CHD8: variants seen among roughly 807,000 people sequenced by gnomAD.
CHD8 encodes ATP-dependent chromatin remodeler CHD8.
Under a neutral mutation model 279.2 loss-of-function variants are expected in CHD8, and 31 were observed. The observed-to-expected ratio is 0.11, with a 90% CI of 0.08 to 0.15. CHD8 has a LOEUF of 0.15. CHD8 is among the 10% of genes least tolerant of loss of function. CHD8 has a pLI of 1.00. For synonymous variants in CHD8, 1,081 were observed against 1,139.6 expected (o/e 0.95, Z 1.04); for missense variants, 2,146 against 3,230.5 (o/e 0.66, Z 8.14).
chr14:21,394,508 A>G (rs1479648549), intron 30 of CHD8, 23 bp from the exon 31 acceptor site: 16 of 1,514,704 alleles, frequency 1.1e-5, no homozygotes, highest in Admixed American at 3.8e-5. Flanking sequence ...AAGTAGGGCA[A>G]CAATAATCAG....
intron 28 of CHD8, 30 bp downstream of exon 28, chr14:21,395,787 A>G: frequency 3.0e-6 from 4 of 1,351,302 alleles, no homozygotes; most frequent in Non-Finnish European, 4.2e-6. Context: ...AGTAATAGAG[A>G]AAAGTGAGAC....
At chr14:21,398,084 T>TG in intron 26 of CHD8, 132 bp from the exon 27 acceptor site, 1 of 828,400 alleles carries the variant, frequency 1.2e-6, no homozygotes, top group Non-Finnish European at 1.8e-6. Context: ...AATGTTATCT[T>TG]GGACAACTAC....
At chr14:21,427,631 G>C (rs1235416761) in intron 4 of CHD8, 2 of 1,469,164 alleles carry the variant, frequency 1.4e-6, no homozygotes, top group Admixed American at 5.0e-5. Flanking sequence ...TGTTTTGGAG[G>C]TACCAGATGT....
intron 5 of CHD8, among the ~76,000 whole-genome samples, chr14:21,417,156 G>C (rs1390698542): frequency 3.3e-5 from 5 of 152,124 alleles, no homozygotes; most frequent in African/African-American, 9.7e-5. Flanking sequence ...CAGCAAGTTT[G>C]ATCAAAATAT....
At chr14:21,424,544 C>T (rs910704515) in intron 5 of CHD8, among the ~76,000 whole-genome samples, 2 of 152,096 alleles carry the variant, frequency 1.3e-5, no homozygotes, top group Non-Finnish European at 2.9e-5. Context: ...AATCTTGGCT[C>T]ACTGCAAGCT....
chr14:21,397,682 CCTTTCTG>C (rs1174063336), intron 27 of CHD8, 134 bp downstream of exon 27: 2 of 767,298 alleles, frequency 2.6e-6, no homozygotes, highest in African/African-American at 3.5e-5. Context: ...TTTATGGAGT[CCTTTCTG>C]CTGGTCCTAT....
chr14:21,429,676 T>C (rs1889481795), intron 2 of CHD8: 1 of 389,842 alleles, frequency 2.6e-6, no homozygotes, highest in East Asian at 6.4e-5. Context: ...GGTCACCATA[T>C]TGATGTCAAA....
At position 21,456,025 on chromosome 14, in the gene CHD8, A is replaced by G. The variant is rs1890381606; in HGVS notation, c.-216+7T>C. 6.6e-6 allele frequency: 1 copy of G among 152,260 alleles called. No individual in the cohort carries two copies. The highest frequency in any genetic ancestry group is 1.5e-5 in the Non-Finnish European group (1 of 68,190). 9.4% of individuals were successfully genotyped at this position (152,260 alleles called of 1,614,324 possible). A position where few individuals can be genotyped will look rare whatever the true frequency, so the allele number is the denominator to read the frequency against. ...CACTGAGGAGCGGGTGCGAGCGGGA[A>G]GCCTACCTGTGCAAGTCCTGGTACT... On this transcript the variant is annotated splice_region_variant and intron_variant, in intron 1 of 37. Coordinates refer to ENST00000646647, the MANE Select transcript of CHD8 (RefSeq NM_001170629.2).
intron 2 of CHD8, chr14:21,429,627 T>TC (rs982442639): frequency 1.1e-5 from 5 of 473,592 alleles, no homozygotes; most frequent in African/African-American, 9.8e-5. Flanking sequence ...GGCCAATTCA[T>TC]CCCTCCTTAG....
rs1231640649 is a variant in CHD8, at chr14:21,408,512, T to C, written c.2530A>G (p.Ile844Val). 6.2e-7 allele frequency: 1 copy of C among 1,613,802 alleles called. No individual in the cohort carries two copies. Among genetic ancestry groups the C allele is most frequent in the Admixed American group, 1.7e-5 (1 of 59,986 alleles). The change falls in exon 13 of 38, where the codon ATT (isoleucine) becomes GTT (valine). Residue 844 changes from isoleucine to valine, a missense_variant. Physicochemically the swap from Ile to Val is conservative, Grantham distance 29 (BLOSUM62 3). Transcript: ENST00000646647. The surrounding 1 kb of genome is among the most constrained non-coding windows in gnomAD (Gnocchi z 4.3). ...LADEMGLGKT[I>V]QSIAFLQEVY... ...TCCTGCAAGAAGGCAATGGACTGAA[T>C]AGTTTTGCCCAATCCCATCTCATCA...
chr14:21,426,167 A>C lies in CHD8; in HGVS notation c.1677T>G (p.Pro559=). 1 of 1,612,122 alleles carries C rather than the reference A, an allele frequency of 6.2e-7. No homozygotes were observed. Residue 559 remains proline, a synonymous_variant, in exon 5 of 38, where the codon CCT becomes CCG. Coordinates refer to ENST00000646647, the MANE Select transcript of CHD8 (RefSeq NM_001170629.2). ...SSDNSDVEVM[P]AQSPREDEES... is the part of the protein sequence containing the mutation. ...CTTCATCTTCTCGAGGTGACTGTGC[A>C]GGCATGACTTCCACATCTGAATTAT...
rs1888100488 is a variant in CHD8 at position 21,402,963 on chromosome 14, T to C, written c.3714+54A>G. 5 of 1,436,258 alleles carry C rather than the reference T, an allele frequency of 3.5e-6. No individual in the cohort carries two copies. The highest frequency in any genetic ancestry group is 1.4e-5 in the African/African-American group (1 of 70,478). 89.0% of individuals were successfully genotyped at this position (1,436,258 alleles called of 1,614,324 possible). On this transcript the variant is annotated intron_variant, in intron 18 of 37. Coordinates refer to ENST00000646647, the MANE Select transcript of CHD8 (RefSeq NM_001170629.2). The surrounding 1 kb of genome is among the most constrained non-coding windows in gnomAD (Gnocchi z 4.5). ...GTCTTTCTAAAAGATCCTATTCTTG[T>C]TGAAAAATCTCCCAAGTTAGGTAGT...
At chr14:21,389,782 A>AT (rs1203782746) in intron 37 of CHD8, among the ~76,000 whole-genome samples, 2 of 152,202 alleles carry the variant, frequency 1.3e-5, no homozygotes, top group African/African-American at 4.8e-5. Flanking sequence ...AAAATATAGA[A>AT]TAACTTAATG....
intron 27 of CHD8, among the ~76,000 whole-genome samples, chr14:21,396,151 C>A (rs140691947): frequency 1.6e-3 from 238 of 152,058 alleles, no homozygotes; most frequent in Middle Eastern, 0.01. Context: ...TGTGTGCCAC[C>A]GCACCCGGCT....
chr14:21,435,084 C>A (rs1889725128), intron 1 of CHD8, among the ~76,000 whole-genome samples: 1 of 152,164 alleles, frequency 6.6e-6, no homozygotes, highest in Admixed American at 6.5e-5. Flanking sequence ...GTTGGCCCAC[C>A]AGTCCCCAAA....
intron 10 of CHD8, among the ~76,000 whole-genome samples, chr14:21,412,387 G>A (rs1411777777): frequency 6.6e-6 from 1 of 151,982 alleles, no homozygotes; most frequent in Non-Finnish European, 1.5e-5. Context: ...CTCGTGATCT[G>A]CCCACCTCAG....
At chr14:21,406,322 T>C (rs947002186) in intron 14 of CHD8, among the ~76,000 whole-genome samples, 27 of 152,244 alleles carry the variant, frequency 1.8e-4, no homozygotes, top group African/African-American at 4.1e-4. Flanking sequence ...AAAGTGACAC[T>C]GTGTGAGTTT....
In CHD8 at chr14:21,392,818, G is replaced by A. The variant is rs1555313095; in HGVS notation, c.6469-9C>T. The stretch of plus-strand genomic sequence containing the variant: ...TTTATCAGGACACGATCCTGAATGG[G>A]GAAAGAAAGAAATACCATTTTAAGA... On this transcript the variant is annotated splice_polypyrimidine_tract_variant and intron_variant, in intron 33 of 37. Coordinates refer to ENST00000646647, the MANE Select transcript of CHD8 (RefSeq NM_001170629.2). The A allele has an allele frequency of 1.2e-6, 2 of 1,612,408 alleles. No individual in the cohort carries two copies. The highest frequency in any genetic ancestry group is 1.7e-6 in the Non-Finnish European group (2 of 1,178,900).
chr14:21,409,704 G>T, intron 11 of CHD8, 147 bp downstream of exon 11: 1 of 627,226 alleles, frequency 1.6e-6, no homozygotes, highest in Non-Finnish European at 2.7e-6. Flanking sequence ...ATTGTTACGT[G>T]GGTGATGGGT....
Sources: allele counts gnomAD v4.1 joint callset (sites outside exome capture counted in the v4.1 genomes callset), GRCh38; gene constraint gnomAD v4.1.1; non-coding constraint Gnocchi (gnomAD v3.1); transcripts MANE v1.5; gene names NCBI Gene and HGNC (gene_info 2026-07-23, HGNC 2026-07-21).